PTMA: variants seen among roughly 807,000 people sequenced by gnomAD.
PTMA encodes gene sequence 28.
PTMA carries 4 observed loss-of-function variants against 16.9 expected under a neutral mutation model. The ratio of observed to expected loss-of-function variants is 0.24; its 90% confidence interval spans 0.12 to 0.54. The LOEUF (loss-of-function observed/expected upper bound fraction) is 0.54, where lower values mean the gene tolerates loss of function less well. Among genes scored for constraint, PTMA ranks in the 20% least tolerant of loss-of-function variants. The pLI is 0.95. For synonymous variants in PTMA, 58 were observed against 47.9 expected (o/e 1.21, Z -0.87); for missense variants, 120 against 137.7 (o/e 0.87, Z 0.64).
At chr2:231,709,337 G>T (rs1429478250) in intron 1 of PTMA, among the ~76,000 whole-genome samples, 3 of 152,108 alleles carry the variant, frequency 2.0e-5, no homozygotes, top group African/African-American at 7.2e-5. Flanking sequence ...GGCCGTCCCG[G>T]CGGAGGTGTG....
intron 1 of PTMA, chr2:231,710,356 C>T (rs1367539711): frequency 3.2e-5 from 39 of 1,206,556 alleles, no homozygotes; most frequent in Admixed American, 1.3e-4. Context: ...GCGGTGCGTG[C>T]CGAGGCCCGC....
At chr2:231,710,797 G>C (rs77846341) in intron 1 of PTMA, 1 of 319,004 alleles carries the variant, frequency 3.1e-6, no homozygotes, top group Non-Finnish European at 6.3e-6. Context: ...GGTCGGATTT[G>C]GGGGGTCGGT....
chr2:231,710,950 C>G (rs1283537850), intron 1 of PTMA, among the ~76,000 whole-genome samples: 2 of 152,284 alleles, frequency 1.3e-5, no homozygotes, highest in Non-Finnish European at 2.9e-5. Flanking sequence ...AACCTGCCGC[C>G]TTTCTAGACG....
chr2:231,711,725 G>A, intron 2 of PTMA, 165 bp from the exon 3 acceptor site: 2 of 1,297,862 alleles, frequency 1.5e-6, no homozygotes, highest in East Asian at 5.0e-5. Context: ...GTTTCATGAT[G>A]GAGCCTGGAG....
chr2:231,713,377 G>C lies in PTMA; in HGVS notation c.*526G>C, dbSNP rs771462716. The C allele has an allele frequency of 1.4e-5, 7 of 514,616 alleles. No homozygotes were observed. Among genetic ancestry groups the C allele is most frequent in the Admixed American group, 1.1e-4 (5 of 46,130 alleles). The allele number at this position is 514,616 out of a possible 1,614,324, so 31.9% of individuals were successfully genotyped here. On this transcript the variant is annotated 3_prime_UTR_variant, in exon 5 of 5. Transcript: ENST00000409115. ...TACTTAGCTGTACTATAAGTAGTTGGTTTGTATGAGATGGTTAAAAAGGCC... is the reference window on the plus strand; with the variant it reads ...TACTTAGCTGTACTATAAGTAGTTGCTTTGTATGAGATGGTTAAAAAGGCC...
chr2:231,708,844 G>C (rs541482683), intron 1 of PTMA, 93 bp downstream of exon 1: 1 of 1,436,834 alleles, frequency 7.0e-7, no homozygotes, highest in African/African-American at 1.4e-5. Flanking sequence ...CAAGCCCGCT[G>C]TTGCTCCCTC....
At chr2:231,710,497 G>T in intron 1 of PTMA, 2 of 1,061,452 alleles carry the variant, frequency 1.9e-6, no homozygotes, top group Non-Finnish European at 2.5e-6. Flanking sequence ...GAGCGGGGCG[G>T]GCCGGACTGA....
chr2:231,712,560 TC>T, intron 4 of PTMA, 44 bp downstream of exon 4: 1 of 1,591,016 alleles, frequency 6.3e-7, no homozygotes, highest in Non-Finnish European at 8.6e-7. Context: ...CATCTGGGTC[TC>T]CCCACCTGCC....
In PTMA at chr2:231,712,947, C is replaced by CG. The variant is rs1302359196; in HGVS notation, c.*97dup. On this transcript the variant is annotated 3_prime_UTR_variant, in exon 5 of 5. Coordinates refer to ENST00000409115, the MANE Select transcript of PTMA (RefSeq NM_002823.5). ...CTCAGAATCTAAACGTGGTCACCTT[C>CG]GAGTAGAGAGGCCCGCCCGCCCACC... 7.3e-7 allele frequency: 1 copy of CG among 1,368,246 alleles called. No individual in the cohort carries two copies. The highest frequency in any genetic ancestry group is 1.0e-6 in the Non-Finnish European group (1 of 1,003,796). The allele number at this position is 1,368,246 out of a possible 1,614,324, so 84.8% of individuals were successfully genotyped here. A position where few individuals can be genotyped will look rare whatever the true frequency, so the allele number is the denominator to read the frequency against.
chr2:231,708,770 C>T lies in PTMA; in HGVS notation c.45+19C>T, dbSNP rs1057266599. 12 of 1,600,040 alleles carry T rather than the reference C, an allele frequency of 7.5e-6. No individual in the cohort carries two copies. The highest frequency in any genetic ancestry group is 1.0e-5 in the Non-Finnish European group (12 of 1,178,752). On this transcript the variant is annotated intron_variant, in intron 1 of 4. Transcript: ENST00000409115. ...CACCAAGGTGAGGCTGGACGCCGCC[C>T]GCCCCCTCGGGGTCCGCGCGCCGCC...
chr2:231,711,162 C>T (rs898717588), intron 1 of PTMA, 186 bp from the exon 2 acceptor site: 6 of 532,244 alleles, frequency 1.1e-5, no homozygotes, highest in Non-Finnish European at 2.0e-5. Context: ...CAGATGCCCC[C>T]CGCCGGCCTT....
chr2:231,711,826 G>C, intron 2 of PTMA, 64 bp from the exon 3 acceptor site: 3 of 1,585,914 alleles, frequency 1.9e-6, no homozygotes, highest in Non-Finnish European at 2.6e-6. Flanking sequence ...CCGGGCATCA[G>C]GAGCAACGCT....
chr2:231,712,415 G>C lies in PTMA; in HGVS notation c.212-28G>C, dbSNP rs1290234743. The C allele has an allele frequency of 1.9e-6, 3 of 1,606,584 alleles. No homozygotes were observed. The Admixed American group carries it at 5.0e-5, about 27-fold the overall frequency. On this transcript the variant is annotated intron_variant, in intron 3 of 4. Transcript: ENST00000409115. Reference sequence around the variant, plus strand: ...AGGAGCCACAGTAGGAGGGAAGTGTGGTTTACCTGGCCTTTGATTCTCTCC... The same window carrying C: ...AGGAGCCACAGTAGGAGGGAAGTGTCGTTTACCTGGCCTTTGATTCTCTCC...
intron 1 of PTMA, chr2:231,710,253 CCG>C: frequency 7.5e-7 from 1 of 1,337,858 alleles, no homozygotes; most frequent in Admixed American, 2.9e-5. Context: ...GACGCGCGAC[CCG>C]CGCGCGTGCC....
At chr2:231,710,274 C>G (rs527271008) in intron 1 of PTMA, 4 of 1,305,062 alleles carry the variant, frequency 3.1e-6, no homozygotes, top group Non-Finnish European at 3.9e-6. Context: ...CCACTGCAAG[C>G]TCTGCCTGCC....
chr2:231,709,970 C>T (rs960260829), intron 1 of PTMA: 15 of 891,822 alleles, frequency 1.7e-5, no homozygotes, highest in Admixed American at 1.3e-4. Context: ...TCTCAGTGAC[C>T]CCTTCTGGAC....
chr2:231,712,123 A>C (rs2048525621), intron 3 of PTMA, 140 bp downstream of exon 3: 1 of 1,440,108 alleles, frequency 6.9e-7, no homozygotes, highest in Non-Finnish European at 9.3e-7. Flanking sequence ...CTGGGCACCC[A>C]CCTGTAGAGT....
Position 231,711,795 on chromosome 2 carries a change from C to A in PTMA, c.118-95C>A, listed in dbSNP as rs2048521650. 5 of 1,554,544 alleles carry A rather than the reference C, an allele frequency of 3.2e-6. No homozygotes were observed. The Admixed American group carries it at 1.0e-4, about 32-fold the overall frequency. On this transcript the variant is annotated intron_variant, in intron 2 of 4. Transcript: ENST00000409115. ...TGGCTTGGCTGGGCTGTAGATGCAG[C>A]CGCCAGCCTCTGGTGGGAGGCCGGG... is the stretch of plus-strand genomic sequence containing the variant.
chr2:231,710,255 G>A, intron 1 of PTMA: 2 of 1,337,382 alleles, frequency 1.5e-6, no homozygotes, highest in Non-Finnish European at 9.7e-7. Flanking sequence ...CGCGCGACCC[G>A]CGCGCGTGCC....
Sources: allele counts gnomAD v4.1 joint callset (sites outside exome capture counted in the v4.1 genomes callset), GRCh38; gene constraint gnomAD v4.1.1; transcripts MANE v1.5; gene names NCBI Gene and HGNC (gene_info 2026-07-23, HGNC 2026-07-21).